The following RAPGEF4 variants were observed in gnomAD, a reference collection of about 807,000 sequenced individuals.
RAPGEF4 encodes the protein Rap guanine nucleotide exchange factor 4.
In RAPGEF4, 66 loss-of-function variants were observed where a neutral mutation model predicts 147.9. The observed-to-expected ratio is 0.45, with a 90% CI of 0.37 to 0.55. The LOEUF is 0.55. Among genes scored for constraint, RAPGEF4 ranks in the 20% least tolerant of loss-of-function variants. RAPGEF4 has a pLI of 0.00. For missense variants in RAPGEF4, 1,071 were observed against 1,257.3 expected, an observed-to-expected ratio of 0.85 and a Z score of 2.24; for synonymous variants, 419 against 442.7, an observed-to-expected ratio of 0.95 and a Z score of 0.67.
chr2:173,022,315 A>C (rs769002507), intron 23 of RAPGEF4, among the ~76,000 whole-genome samples: 36 of 152,182 alleles, frequency 2.4e-4, no homozygotes, highest in Admixed American at 3.3e-4. Context: ...CCAAGTTCTT[A>C]GTCCTTGCTC....
intron 17 of RAPGEF4, among the ~76,000 whole-genome samples, chr2:173,008,074 C>CT (rs1318343109): frequency 6.6e-6 from 1 of 151,788 alleles, no homozygotes; most frequent in Non-Finnish European, 1.5e-5. Flanking sequence ...GTGTGGCCCC[C>CT]CCATGCTGTT....
chr2:172,867,819 A>G (rs574338724), intron 4 of RAPGEF4, among the ~76,000 whole-genome samples: 8 of 152,376 alleles, frequency 5.3e-5, no homozygotes, highest in Admixed American at 2.0e-4. Flanking sequence ...TTAAGAAACT[A>G]TTTTGAACCT....
At chr2:172,962,096 T>G (rs980999490) in intron 8 of RAPGEF4, among the ~76,000 whole-genome samples, 5 of 152,188 alleles carry the variant, frequency 3.3e-5, no homozygotes, top group Admixed American at 3.3e-4. Context: ...GTCTAATCCC[T>G]AACTTTTGAT....
chr2:172,921,034 C>T (rs1300293651), intron 5 of RAPGEF4, among the ~76,000 whole-genome samples: 1 of 152,128 alleles, frequency 6.6e-6, no homozygotes, highest in Non-Finnish European at 1.5e-5. Context: ...TCCAAAGTCT[C>T]TTTCATCCTC....
At chr2:172,886,417 C>T (rs932734289) in intron 4 of RAPGEF4, among the ~76,000 whole-genome samples, 4 of 152,246 alleles carry the variant, frequency 2.6e-5, no homozygotes, top group African/African-American at 9.6e-5. Context: ...AGACTGTGAA[C>T]TCTGAAAGAA....
At chr2:172,975,272 C>G (rs753709358) in intron 10 of RAPGEF4, among the ~76,000 whole-genome samples, 12 of 152,188 alleles carry the variant, frequency 7.9e-5, no homozygotes, top group Non-Finnish European at 1.6e-4. Flanking sequence ...ATTTACTCCA[C>G]AGCAACCCTC....
At chr2:172,768,022 G>C (rs1697010821) in intron 1 of RAPGEF4, among the ~76,000 whole-genome samples, 1 of 151,912 alleles carries the variant, frequency 6.6e-6, no homozygotes, top group Non-Finnish European at 1.5e-5. Flanking sequence ...ATGTTGGCCA[G>C]GCTGGTCTCG....
At chr2:172,826,933 C>G (rs1371710946) in intron 4 of RAPGEF4, among the ~76,000 whole-genome samples, 1 of 151,788 alleles carries the variant, frequency 6.6e-6, no homozygotes, top group African/African-American at 2.4e-5. Flanking sequence ...CCACTGCACT[C>G]CAGCCTGGGT....
chr2:172,804,467 G>C (rs188402880), intron 3 of RAPGEF4, among the ~76,000 whole-genome samples: 15 of 152,290 alleles, frequency 9.8e-5, no homozygotes, highest in Non-Finnish European at 1.5e-5. Flanking sequence ...TCTTTGGTTT[G>C]AGCCTACCCT....
chr2:172,849,358 T>A (rs1033860403), intron 4 of RAPGEF4, among the ~76,000 whole-genome samples: 1 of 152,224 alleles, frequency 6.6e-6, no homozygotes, highest in Non-Finnish European at 1.5e-5. Flanking sequence ...CCTTTATTAG[T>A]GTTAGTTACA....
chr2:173,016,218 C>G (rs1181456109), intron 18 of RAPGEF4, 131 bp from the exon 19 acceptor site: 6 of 643,492 alleles, frequency 9.3e-6, no homozygotes, highest in Non-Finnish European at 5.4e-6. Context: ...TGTTCTTCCT[C>G]CAGTCCATGA....
chr2:172,837,597 T>G (rs921416292), intron 4 of RAPGEF4, among the ~76,000 whole-genome samples: 3 of 152,232 alleles, frequency 2.0e-5, no homozygotes, highest in Non-Finnish European at 4.4e-5. Flanking sequence ...ATTCTTTTTC[T>G]ATTATCTCAC....
intron 15 of RAPGEF4, among the ~76,000 whole-genome samples, chr2:172,992,915 A>G (rs975524785): frequency 6.6e-6 from 1 of 152,058 alleles, no homozygotes; most frequent in South Asian, 2.1e-4. Context: ...CCAGAGTTGA[A>G]GGGGAGGGGG....
intron 4 of RAPGEF4, among the ~76,000 whole-genome samples, chr2:172,815,609 TG>T (rs376832497): frequency 6.6e-6 from 1 of 152,228 alleles, no homozygotes; most frequent in African/African-American, 2.4e-5. Context: ...AGCCACTTTT[TG>T]GATCTTTCAT....
chr2:172,743,341 A>C (rs1475331953), intron 1 of RAPGEF4, among the ~76,000 whole-genome samples: 1 of 152,038 alleles, frequency 6.6e-6, no homozygotes. Flanking sequence ...TGGTGTGTTG[A>C]CTCAGCTGCA....
chr2:172,784,828 A>T (rs984316440), intron 1 of RAPGEF4, among the ~76,000 whole-genome samples: 14 of 143,570 alleles, frequency 9.8e-5, no homozygotes, highest in Non-Finnish European at 1.4e-4. Context: ...ATGAGATTCT[A>T]TTTTTTTTTT....
intron 4 of RAPGEF4, among the ~76,000 whole-genome samples, chr2:172,884,927 G>T (rs1034353679): frequency 6.6e-6 from 1 of 152,222 alleles, no homozygotes; most frequent in Non-Finnish European, 1.5e-5. Flanking sequence ...AAGATTACTT[G>T]TAGCAAACGC....
intron 4 of RAPGEF4, among the ~76,000 whole-genome samples, chr2:172,884,879 G>T (rs1156798684): frequency 6.6e-6 from 1 of 152,196 alleles, no homozygotes; most frequent in African/African-American, 2.4e-5. Flanking sequence ...AAAATCATTT[G>T]CATTTGCCTT....
At chr2:172,834,642 G>A (rs1423941537) in intron 4 of RAPGEF4, among the ~76,000 whole-genome samples, 1 of 151,830 alleles carries the variant, frequency 6.6e-6, no homozygotes, top group Non-Finnish European at 1.5e-5. Context: ...GGAACATTTG[G>A]GATTTCAGGT....
Sources: allele counts gnomAD v4.1 joint callset (sites outside exome capture counted in the v4.1 genomes callset), GRCh38; gene constraint gnomAD v4.1.1; transcripts MANE v1.5; gene names NCBI Gene and HGNC (gene_info 2026-07-23, HGNC 2026-07-21).